PHF2: variants seen among roughly 807,000 people sequenced by gnomAD.
PHF2 encodes lysine-specific demethylase PHF2.
A neutral mutation model predicts 120.5 loss-of-function variants in PHF2; 27 were observed. The observed-to-expected ratio is 0.22, with a 90% CI of 0.17 to 0.31. The LOEUF (loss-of-function observed/expected upper bound fraction) is 0.31, where lower values mean the gene tolerates loss of function less well. Among genes scored for constraint, PHF2 ranks in the 10% least tolerant of loss-of-function variants. The pLI, the probability that PHF2 is intolerant of heterozygous loss-of-function variation, is 1.00. For missense variants in PHF2, 1,024 were observed against 1,434.8 expected (o/e 0.71, Z 4.63); for synonymous variants, 568 against 592.5 (o/e 0.96, Z 0.60).
rs1175188626 is a variant in PHF2, at chr9:93,576,717, C to A, written c.-57C>A. 2.4e-6 allele frequency: 2 copies of A among 849,204 alleles called. No homozygotes were observed. Among genetic ancestry groups the A allele is most frequent in the Non-Finnish European group, 2.9e-6 (2 of 693,238 alleles). The allele number at this position is 849,204 out of a possible 1,614,324, so 52.6% of individuals were successfully genotyped here. A position where few individuals can be genotyped will look rare whatever the true frequency, so the allele number is the denominator to read the frequency against. ...CCGCGCGGCCCGGCCCCCGGCCCGGCCCGGACCGACCCGGGCAGCGCAGCG... is the reference window on the plus strand; with the variant it reads ...CCGCGCGGCCCGGCCCCCGGCCCGGACCGGACCGACCCGGGCAGCGCAGCG... On this transcript the variant is annotated 5_prime_UTR_variant, in exon 1 of 22. Coordinates refer to ENST00000359246, the MANE Select transcript of PHF2 (RefSeq NM_005392.4).
intron 5 of PHF2, among the ~76,000 whole-genome samples, chr9:93,652,290 C>CTTTTTT (rs751282822): frequency 2.1e-5 from 2 of 96,344 alleles, no homozygotes; most frequent in African/African-American, 8.9e-5. Flanking sequence ...TTGAGCTTGA[C>CTTTTTT]TTTTTTTTTT....
At chr9:93,637,546 TACA>T (rs1414149598) in intron 3 of PHF2, among the ~76,000 whole-genome samples, 2 of 152,252 alleles carry the variant, frequency 1.3e-5, no homozygotes, top group Non-Finnish European at 2.9e-5. Flanking sequence ...AATGGAGTTC[TACA>T]ACAAGACTGG....
At chr9:93,625,612 G>C (rs1477213142) in intron 1 of PHF2, among the ~76,000 whole-genome samples, 1 of 151,528 alleles carries the variant, frequency 6.6e-6, no homozygotes, top group African/African-American at 2.4e-5. Context: ...TGAGTAGCTA[G>C]GGCCACAGGT....
chr9:93,580,876 G>A (rs1394669590), intron 1 of PHF2, among the ~76,000 whole-genome samples: 1 of 152,170 alleles, frequency 6.6e-6, no homozygotes, highest in Non-Finnish European at 1.5e-5. Flanking sequence ...CAGAGGAGGG[G>A]CGAGAGTGGA....
At chr9:93,657,635 C>T (rs974115783) in intron 9 of PHF2, among the ~76,000 whole-genome samples, 2 of 152,166 alleles carry the variant, frequency 1.3e-5, no homozygotes, top group Non-Finnish European at 2.9e-5. Context: ...GGTCCTGGTG[C>T]GTCAGAGCCC....
rs1360965663 is a variant in PHF2 at position 93,662,971 on chromosome 9, G to A, written c.1763G>A (p.Arg588Lys). Residue 588 changes from arginine (R) to lysine (K), a missense_variant, in exon 13 of 22, where the codon AGG becomes AAG. Physicochemically the swap from Arg to Lys is conservative, Grantham distance 26 (BLOSUM62 2). This residue lies in a region of PHF2 where 677 missense variants were observed against 857.4 expected (regional missense o/e 0.79). Coordinates refer to ENST00000359246, the MANE Select transcript of PHF2 (RefSeq NM_005392.4). Reference sequence around the variant, plus strand: ...GTTCACATGCAGAATGATGTGGAGAGGCTGGAAATTCGAGAGCAAACCAAG... The same window carrying A: ...GTTCACATGCAGAATGATGTGGAGAAGCTGGAAATTCGAGAGCAAACCAAG... ...DVVHMQNDVE[R>K]LEIREQTKSK... 6.2e-7 allele frequency: 1 copy of A among 1,614,144 alleles called. No individual in the cohort carries two copies. Among genetic ancestry groups the A allele is most frequent in the Admixed American group, 1.7e-5 (1 of 60,028 alleles).
At chr9:93,651,837 A>G (rs1826374675) in intron 5 of PHF2, among the ~76,000 whole-genome samples, 1 of 152,188 alleles carries the variant, frequency 6.6e-6, no homozygotes, top group Non-Finnish European at 1.5e-5. Context: ...GGTGGGAGGC[A>G]GGGACAGCCT....
chr9:93,625,930 C>T (rs145794282), intron 1 of PHF2, among the ~76,000 whole-genome samples: 1,685 of 152,102 alleles, frequency 0.011, 22 homozygotes, highest in Non-Finnish European at 0.012. Context: ...TTCTCCACAT[C>T]CTCTCCAAAA....
At chr9:93,630,265 A>C (rs964865717) in intron 2 of PHF2, among the ~76,000 whole-genome samples, 1 of 152,194 alleles carries the variant, frequency 6.6e-6, no homozygotes, top group African/African-American at 2.4e-5. Flanking sequence ...CCTCCTGATC[A>C]GCTCCCGCTG....
intron 14 of PHF2, among the ~76,000 whole-genome samples, chr9:93,664,275 T>G (rs1189673257): frequency 6.6e-6 from 1 of 151,616 alleles, no homozygotes; most frequent in African/African-American, 2.4e-5. Flanking sequence ...GAGCAGAGAT[T>G]AGGGGGTGTG....
chr9:93,660,661 T>G (rs1826548584), intron 12 of PHF2, 101 bp downstream of exon 12: 4 of 1,140,670 alleles, frequency 3.5e-6, no homozygotes, highest in Non-Finnish European at 3.6e-6. Context: ...ATTGTCCTTG[T>G]TCCCCAGGGG....
intron 10 of PHF2, 57 bp from the exon 11 acceptor site, chr9:93,659,454 G>T (rs551556463): frequency 2.8e-6 from 4 of 1,408,364 alleles, no homozygotes; most frequent in South Asian, 2.3e-5. Flanking sequence ...GAATGCAGGG[G>T]TAAGTCAGGA....
At chr9:93,624,192 A>G (rs1387005075) in intron 1 of PHF2, among the ~76,000 whole-genome samples, 1 of 152,240 alleles carries the variant, frequency 6.6e-6, no homozygotes, top group African/African-American at 2.4e-5. Flanking sequence ...TAATGCTCTT[A>G]GAGTTCTTAG....
At chr9:93,644,294 G>C (rs1826216617) in intron 3 of PHF2, among the ~76,000 whole-genome samples, 1 of 151,574 alleles carries the variant, frequency 6.6e-6, no homozygotes, top group Non-Finnish European at 1.5e-5. Flanking sequence ...GCTGAGGCAG[G>C]AGAATTGCTT....
chr9:93,636,891 C>T (rs925413561), intron 3 of PHF2, among the ~76,000 whole-genome samples: 1 of 152,244 alleles, frequency 6.6e-6, no homozygotes, highest in African/African-American at 2.4e-5. Flanking sequence ...GCTCCCATGG[C>T]CCAGGCAGGC....
chr9:93,598,264 A>G (rs1002652604), intron 1 of PHF2, among the ~76,000 whole-genome samples: 14 of 152,182 alleles, frequency 9.2e-5, no homozygotes, highest in African/African-American at 2.7e-4. Context: ...TATTTTGACA[A>G]GTGAGCATCA....
At chr9:93,675,304 C>T (rs1420159447) in intron 19 of PHF2, among the ~76,000 whole-genome samples, 2 of 152,278 alleles carry the variant, frequency 1.3e-5, no homozygotes, top group East Asian at 1.9e-4. Flanking sequence ...TGGTTTCTTC[C>T]TCAATGGGCA....
chr9:93,611,427 A>C (rs1825633937), intron 1 of PHF2, among the ~76,000 whole-genome samples: 2 of 152,074 alleles, frequency 1.3e-5, no homozygotes, highest in African/African-American at 2.4e-5. Flanking sequence ...AAAAAAAAAA[A>C]AGAGTATTCT....
chr9:93,626,022 C>T (rs1487414922), intron 1 of PHF2, among the ~76,000 whole-genome samples: 1 of 151,990 alleles, frequency 6.6e-6, no homozygotes, highest in Non-Finnish European at 1.5e-5. Context: ...GTGGGTGGAT[C>T]ATCTGAGGTA....
Sources: gnomAD v4.1 joint callset for allele counts (sites outside exome capture counted in the v4.1 genomes callset) on GRCh38, gnomAD v4.1.1 for gene constraint, gnomAD v4.1.1 regional missense constraint, MANE v1.5 for transcripts, NCBI Gene and HGNC (gene_info 2026-07-23, HGNC 2026-07-21) for gene names.